FLI1: variants seen among roughly 807,000 people sequenced by gnomAD.
FLI1 encodes Fli-1 proto-oncogene, ETS transcription factor.
A neutral mutation model predicts 53.1 loss-of-function variants in FLI1; 13 were observed. That is an observed-to-expected ratio of 0.24 (90% CI 0.16 to 0.39). The LOEUF (loss-of-function observed/expected upper bound fraction) is 0.39, where lower values mean the gene tolerates loss of function less well. FLI1 is among the 10% of genes least tolerant of loss of function. The pLI is 1.00. For missense variants in FLI1, 424 were observed against 600.5 expected (o/e 0.71, Z 3.07); for synonymous variants, 244 against 236.7 (o/e 1.03, Z -0.28).
intron 7 of FLI1, 28 bp downstream of exon 7, chr11:128,807,267 C>T (rs777789289): frequency 6.5e-7 from 1 of 1,541,804 alleles, no homozygotes; most frequent in Non-Finnish European, 8.9e-7. Flanking sequence ...GTAATCTCTC[C>T]TTTGCTTCCT....
Position 128,807,173 on chromosome 11 carries a change from G to A in FLI1, c.722-7G>A. The A allele has an allele frequency of 6.3e-7, 1 of 1,584,720 alleles. No individual in the cohort carries two copies. The highest frequency in any genetic ancestry group is 1.2e-5 in the South Asian group (1 of 85,880). On this transcript the variant is annotated splice_region_variant and splice_polypyrimidine_tract_variant and intron_variant, in intron 6 of 8. Transcript: ENST00000527786. ...TACTCACTGCATTTCTTTCCCTCTT[G>A]CCACAGGTCCTCCCCTTGGAGGGGC...
chr11:128,785,145 A>G (rs1442537083), intron 5 of FLI1, among the ~76,000 whole-genome samples: 1 of 152,162 alleles, frequency 6.6e-6, no homozygotes, highest in African/African-American at 2.4e-5. Context: ...TAAATTAAAT[A>G]TTCTATGGAC....
intron 1 of FLI1, among the ~76,000 whole-genome samples, chr11:128,741,941 C>T (rs548049141): frequency 9.9e-4 from 151 of 152,338 alleles, no homozygotes; most frequent in African/African-American, 3.4e-3. Flanking sequence ...CAATGCACTG[C>T]TTCCATTTGT....
chr11:128,771,275 C>T (rs1440650512), intron 3 of FLI1, among the ~76,000 whole-genome samples: 1 of 152,238 alleles, frequency 6.6e-6, no homozygotes, highest in Non-Finnish European at 1.5e-5. Context: ...AACCCAAACT[C>T]TCCTAACTCC....
In FLI1 at chr11:128,811,706, TA is replaced by T. The variant is rs1942941838; in HGVS notation, c.*721del. On this transcript the variant is annotated 3_prime_UTR_variant, in exon 9 of 9. Transcript: ENST00000527786. ...TAAATTACTAATTTTTTTTTTTTTT[TA>T]AATGATGACAGTGGTCCCAGAACTT... 1.4e-4 allele frequency: 27 copies of T among 198,060 alleles called. No homozygotes were observed. Among genetic ancestry groups the T allele is most frequent in the Non-Finnish European group, 2.2e-4 (21 of 96,028 alleles). 12.3% of individuals were successfully genotyped at this position (198,060 alleles called of 1,614,324 possible).
intron 1 of FLI1, among the ~76,000 whole-genome samples, chr11:128,733,508 C>T (rs11221449): frequency 0.015 from 2,231 of 152,252 alleles, 60 homozygotes; most frequent in African/African-American, 0.052. Flanking sequence ...TGAGTGAACA[C>T]GGTCAAGTTA....
intron 2 of FLI1, among the ~76,000 whole-genome samples, chr11:128,763,438 G>A (rs1255641246): frequency 1.3e-5 from 2 of 152,236 alleles, no homozygotes; most frequent in Admixed American, 1.3e-4. Context: ...ATAACTCTCA[G>A]CTGCATCCTG....
At chr11:128,694,419 G>A (rs1937934132) in intron 1 of FLI1, 143 bp downstream of exon 1, 4 of 641,258 alleles carry the variant, frequency 6.2e-6, no homozygotes, top group Non-Finnish European at 9.2e-6. Flanking sequence ...GGCTCCTCCG[G>A]CGCTCGGGTG....
intron 1 of FLI1, among the ~76,000 whole-genome samples, chr11:128,714,205 GAAAA>G (rs11301098): frequency 1.0e-5 from 1 of 97,476 alleles, no homozygotes; most frequent in Admixed American, 1.0e-4. Context: ...TCACTGGCCA[GAAAA>G]AAAAAAAAAA....
chr11:128,785,073 T>A (rs1024069312), intron 5 of FLI1, among the ~76,000 whole-genome samples: 1 of 152,356 alleles, frequency 6.6e-6, no homozygotes, highest in Non-Finnish European at 1.5e-5. Flanking sequence ...CTAGGGGTTA[T>A]TTGTGCCCAG....
At chr11:128,781,559 A>G (rs1344692362) in intron 4 of FLI1, among the ~76,000 whole-genome samples, 2 of 152,212 alleles carry the variant, frequency 1.3e-5, no homozygotes, top group Non-Finnish European at 2.9e-5. Context: ...AAATCTAGAC[A>G]TGTCAAGTCA....
chr11:128,722,582 AGATTTGC>A (rs1256462290), intron 1 of FLI1, among the ~76,000 whole-genome samples: 2 of 152,342 alleles, frequency 1.3e-5, no homozygotes, highest in East Asian at 3.9e-4. Flanking sequence ...TTGAACCAAG[AGATTTGC>A]GTGACCTCCA....
intron 1 of FLI1, among the ~76,000 whole-genome samples, chr11:128,729,475 G>A (rs1391759424): frequency 6.6e-6 from 1 of 152,196 alleles, no homozygotes; most frequent in African/African-American, 2.4e-5. Flanking sequence ...CTGAACAATG[G>A]TTGGCGATGC....
intron 1 of FLI1, among the ~76,000 whole-genome samples, chr11:128,755,001 T>C (rs1333749050): frequency 6.6e-6 from 1 of 152,214 alleles, no homozygotes; most frequent in East Asian, 1.9e-4. Context: ...TTTCTAGCTG[T>C]GTACCACTCA....
At chr11:128,808,844 T>C (rs1942859787) in intron 7 of FLI1, among the ~76,000 whole-genome samples, 1 of 152,242 alleles carries the variant, frequency 6.6e-6, no homozygotes, top group Non-Finnish European at 1.5e-5. Flanking sequence ...CATTGAATAT[T>C]ATCCAGTTCC....
chr11:128,760,650 C>T (rs1193012126), intron 2 of FLI1, among the ~76,000 whole-genome samples: 1 of 151,248 alleles, frequency 6.6e-6, no homozygotes, highest in Non-Finnish European at 1.5e-5. Context: ...GCCTCAGCCT[C>T]CTGAGTATCT....
chr11:128,691,578 C>T (rs1189813586), upstream of FLI1: 1 of 152,172 alleles, frequency 6.6e-6, no homozygotes, highest in African/African-American at 2.4e-5. Flanking sequence ...TCTAGTGGTG[C>T]CTGTGCCAGG....
intron 1 of FLI1, among the ~76,000 whole-genome samples, chr11:128,707,587 T>C (rs184438288): frequency 6.6e-6 from 1 of 152,304 alleles, no homozygotes; most frequent in East Asian, 1.9e-4. Context: ...TTTTGGAGAC[T>C]GTGGGTCTCT....
chr11:128,750,624 G>C (rs780962625), intron 1 of FLI1, among the ~76,000 whole-genome samples: 1 of 152,116 alleles, frequency 6.6e-6, no homozygotes, highest in Non-Finnish European at 1.5e-5. Context: ...TTTCCATCTC[G>C]GCCTTAGCTA....
Sources: allele counts gnomAD v4.1 joint callset (sites outside exome capture counted in the v4.1 genomes callset), GRCh38; gene constraint gnomAD v4.1.1; transcripts MANE v1.5; gene names NCBI Gene and HGNC (gene_info 2026-07-23, HGNC 2026-07-21).